ACTN1: variants seen among roughly 807,000 people sequenced by gnomAD.
The protein encoded by ACTN1 is alpha-actinin-1.
In ACTN1, 30 loss-of-function variants were observed where a neutral mutation model predicts 119.6. That is an observed-to-expected ratio of 0.25 (90% CI 0.19 to 0.34). The LOEUF is 0.34. Ranked by LOEUF, ACTN1 falls within the 10% of genes least tolerant of loss-of-function variation. The probability of loss-of-function intolerance (pLI) is 1.00; values close to 1 mark genes in which losing one functional copy is unlikely to be tolerated. For synonymous variants in ACTN1, 429 were observed against 472.6 expected (o/e 0.91, Z 1.20); for missense variants, 764 against 1,223.4 (o/e 0.62, Z 5.60).
At chr14:68,951,053 A>G (rs2036146776) in intron 1 of ACTN1, among the ~76,000 whole-genome samples, 1 of 152,200 alleles carries the variant, frequency 6.6e-6, no homozygotes, top group Non-Finnish European at 1.5e-5. Flanking sequence ...CCAAGAAGCG[A>G]CGAAGGCAGA....
rs569122403 is a variant in ACTN1 at position 68,909,330 on chromosome 14, C to T, written c.582G>A (p.Gly194=). 1 of 1,614,036 alleles carries T rather than the reference C, an allele frequency of 6.2e-7. No individual in the cohort carries two copies. The highest frequency in any genetic ancestry group is 1.3e-5 in the African/African-American group (1 of 75,040). ...TGGGCACACATACCTTCCGCAGCTT[C>T]CCGTAGTCAATCAGCTCGGGCCGGT... ...HRHRPELIDY[G]KLRKDDPLTN... Residue 194 remains glycine, a synonymous_variant, in exon 6 of 22, where the codon GGG becomes GGA. Transcript: ENST00000394419. This position sits in a 1 kb window ranked among gnomAD's most constrained non-coding sequence, Gnocchi z 4.1.
At chr14:68,895,381 C>T (rs1038115604) in intron 8 of ACTN1, among the ~76,000 whole-genome samples, 1 of 152,162 alleles carries the variant, frequency 6.6e-6, no homozygotes, top group African/African-American at 2.4e-5. Flanking sequence ...CAAGAAGCAA[C>T]GAAGAGGGAA....
chr14:68,875,970 C>T (rs971397027), intron 21 of ACTN1, among the ~76,000 whole-genome samples: 20 of 152,154 alleles, frequency 1.3e-4, no homozygotes, highest in African/African-American at 4.8e-5. Context: ...ATATTCCCTC[C>T]CTATTGGCTT....
At position 68,910,176 on chromosome 14, in the gene ACTN1, A is replaced by T. The variant is rs2033922428; in HGVS notation, c.428-134T>A. 6.2e-6 allele frequency: 4 copies of T among 645,366 alleles called. No homozygotes were observed. The South Asian group carries it at 7.9e-5, about 13-fold the overall frequency. The allele number at this position is 645,366 out of a possible 1,614,324, so 40.0% of individuals were successfully genotyped here. A position where few individuals can be genotyped will look rare whatever the true frequency, so the allele number is the denominator to read the frequency against. On this transcript the variant is annotated intron_variant, in intron 4 of 21. Transcript: ENST00000394419. Reference sequence around the variant, plus strand: ...ACTGAAGGAGGAGCCCTGGCCATCAAGTCTATTCCCTTGACAGAGTTTGAG... The same window carrying T: ...ACTGAAGGAGGAGCCCTGGCCATCATGTCTATTCCCTTGACAGAGTTTGAG...
chr14:68,957,394 C>A (rs1008805954), intron 1 of ACTN1, among the ~76,000 whole-genome samples: 1 of 152,224 alleles, frequency 6.6e-6, no homozygotes, highest in African/African-American at 2.4e-5. Context: ...AGGGGGCCTT[C>A]TGTGCATCAG....
At chr14:68,964,580 G>A (rs1031747399) in intron 1 of ACTN1, among the ~76,000 whole-genome samples, 3 of 152,180 alleles carry the variant, frequency 2.0e-5, no homozygotes, top group African/African-American at 7.2e-5. Flanking sequence ...TGTGGACTCT[G>A]GCCAGGCAGC....
chr14:68,942,610 T>G (rs1566661298), intron 1 of ACTN1, among the ~76,000 whole-genome samples: 2 of 151,376 alleles, frequency 1.3e-5, no homozygotes, highest in African/African-American at 4.8e-5. Context: ...TCTTTACACC[T>G]AATAGACAGG....
intron 3 of ACTN1, among the ~76,000 whole-genome samples, chr14:68,918,829 CT>C (rs1317841300): frequency 1.8e-4 from 27 of 152,200 alleles, no homozygotes; most frequent in African/African-American, 6.3e-4. Context: ...GCTCTGGAGC[CT>C]ACCCCTGGGT....
chr14:68,884,256 T>G lies in ACTN1; in HGVS notation c.1547A>C (p.Lys516Thr). ...TIDQLYLEYAKRAAPFNNWME... is the reference protein window; with the variant it reads ...TIDQLYLEYATRAAPFNNWME... Reference sequence around the variant, plus strand: ...CCAGTTGTTGAAGGGTGCAGCCCGCTTGGCATACTCCAAGTACAGCTGGTC... The same window carrying G: ...CCAGTTGTTGAAGGGTGCAGCCCGCGTGGCATACTCCAAGTACAGCTGGTC... Residue 516 changes from lysine (K) to threonine (T), a missense_variant, in exon 14 of 22, where the codon AAG becomes ACG. By Grantham distance (78) the Lys-to-Thr change is moderately conservative. This residue lies in a region of ACTN1 where 544 missense variants were observed against 912.0 expected (regional missense o/e 0.60). Transcript: ENST00000394419. 1 of 1,614,118 alleles carries G rather than the reference T, an allele frequency of 6.2e-7. No homozygotes were observed. Among genetic ancestry groups the G allele is most frequent in the Non-Finnish European group, 8.5e-7 (1 of 1,180,004 alleles).
chr14:68,891,688 C>A (rs1354425769), intron 10 of ACTN1, among the ~76,000 whole-genome samples: 3 of 152,136 alleles, frequency 2.0e-5, no homozygotes, highest in Non-Finnish European at 4.4e-5. Flanking sequence ...ACTTAAGATT[C>A]CATGGAAGTA....
intron 3 of ACTN1, among the ~76,000 whole-genome samples, chr14:68,915,337 A>C (rs1594807455): frequency 7.2e-6 from 1 of 138,118 alleles, no homozygotes. Context: ...CTAGATACCC[A>C]CGTGGCCTGT....
intron 2 of ACTN1, among the ~76,000 whole-genome samples, chr14:68,921,550 T>C (rs2034653754): frequency 6.6e-6 from 1 of 151,972 alleles, no homozygotes; most frequent in Non-Finnish European, 1.5e-5. Context: ...GAAAGATCCA[T>C]GCTCTTCAAA....
chr14:68,893,817 C>A, intron 8 of ACTN1, 70 bp from the exon 9 acceptor site: 1 of 1,469,250 alleles, frequency 6.8e-7, no homozygotes. Context: ...CACACCTGTG[C>A]TGACAAAGCC....
chr14:68,923,534 G>A (rs2034761740), intron 2 of ACTN1, among the ~76,000 whole-genome samples: 1 of 152,174 alleles, frequency 6.6e-6, no homozygotes, highest in Admixed American at 6.5e-5. Context: ...TAGAGGCAAG[G>A]CACGGTGGCT....
chr14:68,893,508 A>G (rs979829009), intron 9 of ACTN1, 147 bp downstream of exon 9: 2 of 713,558 alleles, frequency 2.8e-6, no homozygotes, highest in Admixed American at 2.9e-5. Context: ...GAGAGCCACA[A>G]CAGAGCTCAG....
intron 1 of ACTN1, among the ~76,000 whole-genome samples, chr14:68,935,902 C>T (rs1201066651): frequency 6.6e-6 from 1 of 152,210 alleles, no homozygotes; most frequent in Non-Finnish European, 1.5e-5. Context: ...CTCTTCCAAG[C>T]ACATCCTCCC....
chr14:68,939,789 C>T (rs908183977), intron 1 of ACTN1, among the ~76,000 whole-genome samples: 2 of 152,222 alleles, frequency 1.3e-5, no homozygotes, highest in South Asian at 2.1e-4. Context: ...ATGTGAATGA[C>T]ATCTCAATAA....
Position 68,893,643 on chromosome 14 carries a change from G to T in ACTN1, c.855+12C>A. 1.2e-6 allele frequency: 2 copies of T among 1,602,722 alleles called. No individual in the cohort carries two copies. Among genetic ancestry groups the T allele is most frequent in the Non-Finnish European group, 1.7e-6 (2 of 1,176,542 alleles). ...TGCTAGAGTCAGGCCAGGTGAACCCGGGGGTACCCACATCACTGGCCAGCT... is the reference window on the plus strand; with the variant it reads ...TGCTAGAGTCAGGCCAGGTGAACCCTGGGGTACCCACATCACTGGCCAGCT... On this transcript the variant is annotated intron_variant, in intron 9 of 21. Coordinates refer to ENST00000394419, the MANE Select transcript of ACTN1 (RefSeq NM_001130004.2).
intron 16 of ACTN1, among the ~76,000 whole-genome samples, chr14:68,881,835 G>A (rs571866079): frequency 6.6e-6 from 1 of 152,122 alleles, no homozygotes; most frequent in South Asian, 2.1e-4. Flanking sequence ...AGGAGGAGGA[G>A]GAGAGGAAGG....
Sources: gnomAD v4.1 joint callset for allele counts (sites outside exome capture counted in the v4.1 genomes callset) on GRCh38, gnomAD v4.1.1 for gene constraint, gnomAD v4.1.1 regional missense constraint, Gnocchi (gnomAD v3.1) non-coding constraint, MANE v1.5 for transcripts, NCBI Gene and HGNC (gene_info 2026-07-23, HGNC 2026-07-21) for gene names.